The following PAK3 variants were observed in gnomAD, a reference collection of about 807,000 sequenced individuals.
The protein encoded by PAK3 is serine/threonine-protein kinase PAK 3.
A neutral mutation model predicts 41.0 loss-of-function variants in PAK3; 4 were observed. The observed-to-expected ratio is 0.10, with a 90% CI of 0.05 to 0.22. The LOEUF is 0.22. Among genes scored for constraint, PAK3 ranks in the 10% least tolerant of loss-of-function variants. The pLI is 1.00. For synonymous variants in PAK3, 146 were observed against 139.6 expected (o/e 1.05, Z -0.32); for missense variants, 205 against 409.9 (o/e 0.50, Z 4.32).
At chrX:111,114,726 C>A (rs1474045778) in intron 4 of PAK3, among the ~76,000 whole-genome samples, 1 of 111,631 alleles carries the variant, frequency 9.0e-6, no homozygotes, top group Non-Finnish European at 1.9e-5. Context: ...CAGGCTCAAT[C>A]TTGAAGAAAA....
intron 1 of PAK3, among the ~76,000 whole-genome samples, chrX:110,956,577 C>T (rs894574350): frequency 2.7e-5 from 3 of 111,899 alleles, no homozygotes; most frequent in Non-Finnish European, 5.6e-5. Context: ...TGCACAAGGG[C>T]TGCTTGTGGA....
Position 111,173,096 on chromosome X carries a change from T to C in PAK3, c.830+15T>C. On this transcript the variant is annotated intron_variant, in intron 11 of 17. Transcript: ENST00000372007. The stretch of plus-strand genomic sequence containing the variant: ...ATTGGTCAAGGGTAAGTGATTGTTA[T>C]TTGAAATATAAAAAGATGAGTACAA... The C allele has an allele frequency of 1.2e-6, 1 of 849,142 alleles. No homozygotes were observed. The highest frequency in any genetic ancestry group is 1.8e-6 in the Non-Finnish European group (1 of 567,455). 70.0% of individuals were successfully genotyped at this position (849,142 alleles called of 1,213,427 possible). A position where few individuals can be genotyped will look rare whatever the true frequency, so the allele number is the denominator to read the frequency against.
chrX:111,111,113 A>G (rs2093364284), intron 4 of PAK3, among the ~76,000 whole-genome samples: 1 of 111,648 alleles, frequency 9.0e-6, no homozygotes, highest in East Asian at 2.8e-4. Context: ...CTCCAAACAA[A>G]TATCTTCATC....
intron 1 of PAK3, among the ~76,000 whole-genome samples, chrX:111,006,849 C>CTTTCTTCCTTTCTTTCTTTT (rs1556434441): frequency 4.7e-5 from 2 of 42,726 alleles, no homozygotes; most frequent in Admixed American, 7.7e-4. Context: ...TTCTTTCTTT[C>CTTTCTTCCTTTCTTTCTTTT]TTTTTTTTTT....
chrX:111,175,130 C>T (rs7890771), intron 11 of PAK3, among the ~76,000 whole-genome samples: 24,251 of 111,033 alleles, frequency 0.22, 5,777 homozygotes, highest in African/African-American at 0.71. Flanking sequence ...TTTTAGATTT[C>T]ATTTTCATCT....
chrX:110,964,474 A>G (rs1265868251), intron 1 of PAK3, among the ~76,000 whole-genome samples: 1 of 112,022 alleles, frequency 8.9e-6, no homozygotes, highest in Admixed American at 9.4e-5. Context: ...TTGAGTAGCA[A>G]GAGACTAGAG....
intron 11 of PAK3, among the ~76,000 whole-genome samples, chrX:111,178,250 C>T (rs2094427806): frequency 9.0e-6 from 1 of 111,540 alleles, no homozygotes; most frequent in South Asian, 3.8e-4. Context: ...TCCTAATTGA[C>T]CTTTTCTGTC....
At chrX:111,003,793 A>G (rs1446103718) in intron 1 of PAK3, among the ~76,000 whole-genome samples, 1 of 111,600 alleles carries the variant, frequency 9.0e-6, no homozygotes, top group Non-Finnish European at 1.9e-5. Flanking sequence ...TATCATGAAA[A>G]ACACTTGAAG....
chrX:111,068,167 T>C (rs2092714750), intron 1 of PAK3, among the ~76,000 whole-genome samples: 2 of 112,175 alleles, frequency 1.8e-5, no homozygotes, highest in Admixed American at 1.9e-4. Context: ...TTTTTTCATA[T>C]TAGTATTTAA....
chrX:110,977,218 A>G (rs1602620214), intron 1 of PAK3, among the ~76,000 whole-genome samples: 2 of 109,922 alleles, frequency 1.8e-5, no homozygotes, highest in African/African-American at 3.3e-5. Context: ...AAGATAAAAT[A>G]TATATAAGAT....
chrX:111,000,802 G>A (rs924588034), intron 1 of PAK3, among the ~76,000 whole-genome samples: 3 of 112,014 alleles, frequency 2.7e-5, no homozygotes, highest in African/African-American at 9.7e-5. Flanking sequence ...CCCTCCTGGG[G>A]CTTAAGTGCT....
chrX:111,145,792 G>C (rs1357476727), intron 6 of PAK3, among the ~76,000 whole-genome samples: 1 of 111,632 alleles, frequency 9.0e-6, no homozygotes, highest in Non-Finnish European at 1.9e-5. Flanking sequence ...TTATTTTGTG[G>C]GAAGTGGGAT....
chrX:110,974,037 A>G (rs1274162799), intron 1 of PAK3, among the ~76,000 whole-genome samples: 1 of 112,042 alleles, frequency 8.9e-6, no homozygotes, highest in Non-Finnish European at 1.9e-5. Flanking sequence ...ATATGCACCC[A>G]ATACAGGAGC....
chrX:111,215,579 T>G (rs1005123015), intron 16 of PAK3, among the ~76,000 whole-genome samples: 1 of 111,922 alleles, frequency 8.9e-6, no homozygotes, highest in African/African-American at 3.2e-5. Flanking sequence ...CTTTGTGAAT[T>G]AATCGTAGTC....
chrX:111,150,680 G>T (rs1219875764), intron 7 of PAK3, among the ~76,000 whole-genome samples: 1 of 111,290 alleles, frequency 9.0e-6, no homozygotes, highest in Non-Finnish European at 1.9e-5. Context: ...CCTCCCACTG[G>T]GTCCCTCCCA....
At chrX:110,954,742 T>C (rs1402985754) in intron 1 of PAK3, among the ~76,000 whole-genome samples, 1 of 112,150 alleles carries the variant, frequency 8.9e-6, no homozygotes, top group Admixed American at 9.5e-5. Context: ...TTGTGAATTG[T>C]TAACTGAGTA....
At chrX:111,022,451 C>CACAGTCTT (rs2092200316) in intron 1 of PAK3, among the ~76,000 whole-genome samples, 1 of 111,573 alleles carries the variant, frequency 9.0e-6, no homozygotes, top group African/African-American at 3.3e-5. Context: ...GAAGGAAAGA[C>CACAGTCTT]ACAGTCTTTT....
chrX:111,114,233 T>C (rs905860926), intron 4 of PAK3, among the ~76,000 whole-genome samples: 2 of 112,196 alleles, frequency 1.8e-5, no homozygotes, highest in Non-Finnish European at 1.9e-5. Flanking sequence ...ATATAATGTG[T>C]GGCCAGGAAT....
chrX:110,985,194 C>T (rs1481215432), intron 1 of PAK3, among the ~76,000 whole-genome samples: 1 of 112,010 alleles, frequency 8.9e-6, no homozygotes, highest in African/African-American at 3.2e-5. Context: ...AGATGGCCTA[C>T]AAAGCTTGAA....
Sources: allele counts gnomAD v4.1 joint callset (sites outside exome capture counted in the v4.1 genomes callset), GRCh38; gene constraint gnomAD v4.1.1; transcripts MANE v1.5; gene names NCBI Gene and HGNC (gene_info 2026-07-23, HGNC 2026-07-21).